Variants in NRXN3 observed in about 807,000 individuals in gnomAD.
NRXN3 encodes the protein neurexin III.
A neutral mutation model predicts 137.6 loss-of-function variants in NRXN3; 32 were observed. That is an observed-to-expected ratio of 0.23 (90% CI 0.18 to 0.31). The LOEUF is 0.31. NRXN3 is among the 10% of genes least tolerant of loss of function. NRXN3 has a pLI of 1.00. For missense variants in NRXN3, 1,574 were observed against 2,062.5 expected (o/e 0.76, Z 4.59); for synonymous variants, 798 against 784.5 (o/e 1.02, Z -0.29).
In NRXN3 at chr14:79,254,871, T is replaced by A. The variant is rs561862186; in HGVS notation, c.3263-212350T>A. The stretch of plus-strand genomic sequence containing the variant: ...CTTCCTTTCTCCCTTTCTCCCTTCC[T>A]CCCTCCAACTCTTCCTCCCTCCCTT... On this transcript the variant is annotated intron_variant, in intron 15 of 20. Transcript: ENST00000335750. Among the ~76,000 whole-genome samples the A allele has an allele frequency of 6.5e-4, 93 of 143,064 alleles. 1 individual carries two copies. The highest frequency in any genetic ancestry group is 2.0e-3 in the African/African-American group (80 of 39,548). 93.9% of individuals were successfully genotyped at this position (143,064 alleles called of 152,430 possible). A position where few individuals can be genotyped will look rare whatever the true frequency, so the allele number is the denominator to read the frequency against.
rs1449691649 is a variant in NRXN3 at position 78,709,402 on chromosome 14, C to T, written c.1407C>T (p.Gly469=). 1 of 1,614,150 alleles carries T rather than the reference C, an allele frequency of 6.2e-7. No homozygotes were observed. The highest frequency in any genetic ancestry group is 1.7e-5 in the Admixed American group (1 of 60,014). The change falls in exon 7 of 21, where the codon GGC becomes GGT. Residue 469 remains glycine, a synonymous_variant. Transcript: ENST00000335750. ...CCAAGTGGAACACTAAACGTATGGG[C>T]TCCATCTCCTTTGACTTCCGCACCA... ...SLPKWNTKRM[G]SISFDFRTTE... is the part of the protein sequence containing the mutation.
intron 9 of NRXN3, among the ~76,000 whole-genome samples, chr14:78,804,166 C>CA (rs1342948956): frequency 6.6e-6 from 1 of 152,206 alleles, no homozygotes; most frequent in Non-Finnish European, 1.5e-5. Flanking sequence ...TCCAACTCCT[C>CA]AGTCACCACT....
intron 1 of NRXN3, among the ~76,000 whole-genome samples, chr14:78,201,807 G>C (rs576627774): frequency 6.6e-6 from 1 of 152,314 alleles, no homozygotes; most frequent in East Asian, 1.9e-4. Context: ...CAGAGCTGTG[G>C]TGATGCTGTC....
intron 16 of NRXN3, among the ~76,000 whole-genome samples, chr14:79,470,223 G>C (rs2096482730): frequency 6.6e-6 from 1 of 152,132 alleles, no homozygotes; most frequent in Admixed American, 6.5e-5. Flanking sequence ...AGACACAAGG[G>C]GGAGATGAAG....
At chr14:78,281,192 G>A (rs1295803114) in intron 3 of NRXN3, among the ~76,000 whole-genome samples, 4 of 152,156 alleles carry the variant, frequency 2.6e-5, no homozygotes, top group Non-Finnish European at 5.9e-5. Flanking sequence ...GAGCGTGCCC[G>A]GCCCTGGCTG....
At chr14:79,001,607 C>T (rs2099541497) in intron 15 of NRXN3, among the ~76,000 whole-genome samples, 1 of 152,188 alleles carries the variant, frequency 6.6e-6, no homozygotes, top group Non-Finnish European at 1.5e-5. Flanking sequence ...CAAGTCTCAC[C>T]TATTTTCCCG....
intron 16 of NRXN3, among the ~76,000 whole-genome samples, chr14:79,527,586 A>G (rs2097132051): frequency 6.6e-6 from 1 of 151,918 alleles, no homozygotes; most frequent in Non-Finnish European, 1.5e-5. Flanking sequence ...AGAATTTAAA[A>G]TAGTGGCCAG....
At chr14:79,708,133 CAACT>C (rs35414003) in intron 19 of NRXN3, among the ~76,000 whole-genome samples, 121,678 of 151,650 alleles carry the variant, frequency 0.8, 49,110 homozygotes, top group East Asian at 0.89. Flanking sequence ...TGCATTCAAC[CAACT>C]AACTGTGAAT....
At chr14:79,466,444 C>T (rs1600708094) in intron 15 of NRXN3, among the ~76,000 whole-genome samples, 1 of 151,990 alleles carries the variant, frequency 6.6e-6, no homozygotes, top group East Asian at 1.9e-4. Flanking sequence ...AAAAATTAGC[C>T]GGGCGTGGTG....
At chr14:79,420,662 A>C (rs1053280577) in intron 15 of NRXN3, among the ~76,000 whole-genome samples, 9 of 152,178 alleles carry the variant, frequency 5.9e-5, no homozygotes, top group Admixed American at 5.2e-4. Flanking sequence ...CAAGCAAAAA[A>C]CACATGGTGG....
At chr14:78,563,228 C>T (rs2096803722) in intron 4 of NRXN3, among the ~76,000 whole-genome samples, 1 of 152,140 alleles carries the variant, frequency 6.6e-6, no homozygotes. Context: ...GTCACTTTTG[C>T]TATATTTTGT....
intron 6 of NRXN3, among the ~76,000 whole-genome samples, chr14:78,708,946 G>C (rs2098383309): frequency 6.6e-6 from 1 of 152,208 alleles, no homozygotes; most frequent in African/African-American, 2.4e-5. Flanking sequence ...TTATTTGCAA[G>C]CTTATGTTGT....
At chr14:78,778,802 T>TTCTTTCTC in intron 8 of NRXN3, among the ~76,000 whole-genome samples, 1 of 144,004 alleles carries the variant, frequency 6.9e-6, no homozygotes. Context: ...CTTTCTTTCT[T>TTCTTTCTC]TCTTTCTTTC....
intron 17 of NRXN3, 139 bp downstream of exon 17, chr14:79,664,088 A>G: frequency 1.1e-6 from 1 of 875,660 alleles, no homozygotes; most frequent in South Asian, 1.7e-5. Flanking sequence ...GTATGAGAAG[A>G]TAAGTCATCT....
At chr14:79,462,263 C>T (rs2153605076) in intron 15 of NRXN3, among the ~76,000 whole-genome samples, 1 of 151,970 alleles carries the variant, frequency 6.6e-6, no homozygotes, top group East Asian at 1.9e-4. Flanking sequence ...ATCCCAGCTA[C>T]TTGGGAGGCT....
intron 15 of NRXN3, among the ~76,000 whole-genome samples, chr14:79,200,662 G>A (rs1333338224): frequency 8.5e-5 from 13 of 152,072 alleles, no homozygotes; most frequent in Non-Finnish European, 1.3e-4. Flanking sequence ...TAGAAAAACA[G>A]GTGGTGAAAC....
At chr14:79,848,357 A>G (rs1469347797) in intron 20 of NRXN3, among the ~76,000 whole-genome samples, 5 of 152,180 alleles carry the variant, frequency 3.3e-5, no homozygotes, top group African/African-American at 1.2e-4. Flanking sequence ...AGCTTGTCCT[A>G]CCCACAGCAC....
chr14:78,708,561 C>G (rs1204490228), intron 6 of NRXN3: 1 of 152,128 alleles, frequency 6.6e-6, no homozygotes. Context: ...AAGTAAGTCA[C>G]CCTCCCACTC....
At chr14:78,366,082 T>C (rs1567376664) in intron 4 of NRXN3, among the ~76,000 whole-genome samples, 1 of 152,164 alleles carries the variant, frequency 6.6e-6, no homozygotes, top group African/African-American at 2.4e-5. Flanking sequence ...TCTTCCTCTG[T>C]AAATGGGGAT....
Sources: gnomAD v4.1 joint callset for allele counts (sites outside exome capture counted in the v4.1 genomes callset) on GRCh38, gnomAD v4.1.1 for gene constraint, MANE v1.5 for transcripts, NCBI Gene and HGNC (gene_info 2026-07-23, HGNC 2026-07-21) for gene names.